The following LSAMP variants were observed in gnomAD, a reference collection of about 807,000 sequenced individuals.
LSAMP encodes limbic system associated membrane protein.
A neutral mutation model predicts 38.6 loss-of-function variants in LSAMP; 7 were observed. The ratio of observed to expected loss-of-function variants is 0.18; its 90% CI spans 0.10 to 0.34. The LOEUF is 0.34. Among genes scored for constraint, LSAMP ranks in the 10% least tolerant of loss-of-function variants. The pLI is 1.00. For synonymous variants in LSAMP, 154 were observed against 166.8 expected (o/e 0.92, Z 0.59); for missense variants, 313 against 420.0 (o/e 0.75, Z 2.23).
intron 1 of LSAMP, among the ~76,000 whole-genome samples, chr3:116,303,794 C>T (rs1576494986): frequency 6.6e-6 from 1 of 152,128 alleles, no homozygotes; most frequent in Non-Finnish European, 1.5e-5. Context: ...CAACTGGATG[C>T]GCAGAACAAT....
chr3:115,873,240 T>A (rs535764696), intron 3 of LSAMP, among the ~76,000 whole-genome samples: 1 of 151,910 alleles, frequency 6.6e-6, no homozygotes, highest in Admixed American at 6.6e-5. Context: ...ACTGGTAGCA[T>A]GTACCTGTAA....
rs370710942 is a variant in LSAMP, at chr3:115,898,505, T to A, written c.515-45888A>T. 3.3e-5 allele frequency among the ~76,000 whole-genome samples: 5 copies of A among 151,980 alleles called. No individual in the cohort carries two copies. The South Asian group carries it at 8.3e-4, about 25-fold the overall frequency. On this transcript the variant is annotated intron_variant, in intron 3 of 6. Coordinates refer to ENST00000490035, the MANE Select transcript of LSAMP (RefSeq NM_002338.5). ...CTCCAGAAGAGCCAAGAAAGTAGATTTGAGAATTCAGCTGAAATCTGAACA... is the reference window on the plus strand; with the variant it reads ...CTCCAGAAGAGCCAAGAAAGTAGATATGAGAATTCAGCTGAAATCTGAACA...
intron 3 of LSAMP, among the ~76,000 whole-genome samples, chr3:115,914,285 A>G (rs1312849990): frequency 6.6e-6 from 1 of 152,184 alleles, no homozygotes; most frequent in Non-Finnish European, 1.5e-5. Context: ...TTGCTAAGCC[A>G]GTTTAGAGGG....
intron 2 of LSAMP, among the ~76,000 whole-genome samples, chr3:116,065,844 C>G (rs1056960230): frequency 1.2e-4 from 18 of 152,254 alleles, no homozygotes; most frequent in African/African-American, 3.9e-4. Flanking sequence ...GACCTGAGCT[C>G]AAATCATGAC....
At position 115,943,537 on chromosome 3, in the gene LSAMP, C is replaced by T. The variant is rs187336530; in HGVS notation, c.514+75978G>A. ...TAATCAGGGAGACCATGAGCACATG[C>T]CTGACAGGCTATCTGTTCTCAACTC... On this transcript the variant is annotated intron_variant, in intron 3 of 6. Coordinates refer to ENST00000490035, the MANE Select transcript of LSAMP (RefSeq NM_002338.5). Among the ~76,000 whole-genome samples, 11 of 152,280 alleles carry T rather than the reference C, an allele frequency of 7.2e-5. No individual in the cohort carries two copies. In the East Asian group the frequency reaches 2.1e-3, roughly 29 times the overall value.
intron 6 of LSAMP, chr3:115,816,544 A>T: frequency 1.1e-6 from 1 of 883,724 alleles, no homozygotes; most frequent in Non-Finnish European, 1.6e-6. Flanking sequence ...TCAAGTATAT[A>T]AGACAACAAT....
intron 1 of LSAMP, among the ~76,000 whole-genome samples, chr3:116,107,189 G>T (rs1457176264): frequency 6.6e-6 from 1 of 152,180 alleles, no homozygotes. Context: ...CTGGAATAAT[G>T]TGGGAGGCTG....
At chr3:116,129,227 A>T (rs1226559565) in intron 1 of LSAMP, among the ~76,000 whole-genome samples, 1 of 152,200 alleles carries the variant, frequency 6.6e-6, no homozygotes, top group Non-Finnish European at 1.5e-5. Context: ...TGCACAATGT[A>T]ATTAGAAATA....
At chr3:115,938,414 T>C (rs775724767) in intron 3 of LSAMP, among the ~76,000 whole-genome samples, 66 of 152,188 alleles carry the variant, frequency 4.3e-4, no homozygotes, top group Non-Finnish European at 4.4e-4. Flanking sequence ...ATTACATTCT[T>C]TCTATAATGA....
intron 1 of LSAMP, among the ~76,000 whole-genome samples, chr3:116,242,365 A>C (rs943516076): frequency 6.6e-6 from 1 of 152,230 alleles, no homozygotes; most frequent in African/African-American, 2.4e-5. Flanking sequence ...TTAGAAAAGC[A>C]TTAGCAGGTT....
intron 3 of LSAMP, among the ~76,000 whole-genome samples, chr3:115,863,272 T>C (rs897355870): frequency 6.6e-6 from 1 of 152,148 alleles, no homozygotes; most frequent in Non-Finnish European, 1.5e-5. Flanking sequence ...TCCACAAGAC[T>C]CTCTTACCCT....
chr3:115,905,337 T>C (rs1042240030), intron 3 of LSAMP, among the ~76,000 whole-genome samples: 3 of 152,034 alleles, frequency 2.0e-5, no homozygotes, highest in African/African-American at 7.2e-5. Flanking sequence ...TGCTCTAATA[T>C]GAGATACCGA....
At chr3:116,304,637 T>G (rs2047457946) in intron 1 of LSAMP, among the ~76,000 whole-genome samples, 1 of 152,072 alleles carries the variant, frequency 6.6e-6, no homozygotes. Flanking sequence ...GAAAGTCAGA[T>G]GTATATTTGA....
intron 1 of LSAMP, among the ~76,000 whole-genome samples, chr3:116,371,938 T>C (rs1471250107): frequency 6.6e-6 from 1 of 151,810 alleles, no homozygotes; most frequent in East Asian, 1.9e-4. Context: ...TATGAAAGCA[T>C]CAAAAACAAC....
At chr3:116,282,487 C>T (rs1359970171) in intron 1 of LSAMP, among the ~76,000 whole-genome samples, 1 of 152,054 alleles carries the variant, frequency 6.6e-6, no homozygotes, top group Non-Finnish European at 1.5e-5. Context: ...CCTTGTGAAA[C>T]ACGTAGTTGT....
intron 1 of LSAMP, among the ~76,000 whole-genome samples, chr3:116,110,084 G>C (rs1434618394): frequency 6.6e-6 from 1 of 152,034 alleles, no homozygotes; most frequent in African/African-American, 2.4e-5. Context: ...TTGCCCCCTA[G>C]AAAAGTGGGA....
intron 2 of LSAMP, among the ~76,000 whole-genome samples, chr3:116,070,345 T>A (rs1707570509): frequency 6.6e-6 from 1 of 152,174 alleles, no homozygotes; most frequent in African/African-American, 2.4e-5. Context: ...TATATCCAAT[T>A]TTCTAGGAAT....
intron 6 of LSAMP, among the ~76,000 whole-genome samples, chr3:115,818,790 T>TTTTATATATATATATATATATATATATA (rs1553734999): frequency 1.4e-5 from 1 of 69,784 alleles, no homozygotes; most frequent in Non-Finnish European, 3.0e-5. Context: ...AGTTGTACTT[T>TTTTATATATATATATATATATATATATA]TATATATATA....
intron 1 of LSAMP, among the ~76,000 whole-genome samples, chr3:116,373,110 T>C (rs941385412): frequency 6.6e-6 from 1 of 151,450 alleles, no homozygotes; most frequent in African/African-American, 2.4e-5. Flanking sequence ...AAAAATATAT[T>C]TGTATACCCA....
Sources: gnomAD v4.1 joint callset for allele counts (sites outside exome capture counted in the v4.1 genomes callset) on GRCh38, gnomAD v4.1.1 for gene constraint, MANE v1.5 for transcripts, NCBI Gene and HGNC (gene_info 2026-07-23, HGNC 2026-07-21) for gene names.